The following PHF20 variants were observed in gnomAD, a reference collection of about 807,000 sequenced individuals.
PHF20 encodes PHD finger protein 20.
PHF20 carries 23 observed loss-of-function variants against 113.5 expected under a neutral mutation model. The observed-to-expected ratio is 0.20, with a 90% CI of 0.15 to 0.29. The LOEUF is 0.29. PHF20 is among the 10% of genes least tolerant of loss of function. The pLI is 1.00. For missense variants in PHF20, 943 were observed against 1,219.6 expected (o/e 0.77, Z 3.38); for synonymous variants, 434 against 457.3 (o/e 0.95, Z 0.65).
At chr20:35,907,197 C>A (rs1193639143) in intron 10 of PHF20, among the ~76,000 whole-genome samples, 1 of 152,134 alleles carries the variant, frequency 6.6e-6, no homozygotes, top group Non-Finnish European at 1.5e-5. Context: ...GGTCTGATGA[C>A]AGTTGTCCCT....
chr20:35,868,120 C>A (rs2054350296), intron 6 of PHF20, among the ~76,000 whole-genome samples: 1 of 151,876 alleles, frequency 6.6e-6, no homozygotes, highest in Admixed American at 6.6e-5. Context: ...ATGGAGAAAC[C>A]CTGTCTCTAC....
At chr20:35,811,084 G>GT (rs2146882597) in intron 2 of PHF20, among the ~76,000 whole-genome samples, 1 of 152,002 alleles carries the variant, frequency 6.6e-6, no homozygotes, top group East Asian at 1.9e-4. Context: ...GTCTTGCTCT[G>GT]TCGCCAGGCT....
At chr20:35,816,160 T>G (rs1258930737) in intron 2 of PHF20, among the ~76,000 whole-genome samples, 1 of 152,004 alleles carries the variant, frequency 6.6e-6, no homozygotes, top group East Asian at 2.0e-4. Context: ...TTTTACCACG[T>G]TGGCCAGGAT....
intron 1 of PHF20, chr20:35,800,094 C>T (rs1294835408): frequency 6.6e-6 from 1 of 151,956 alleles, no homozygotes; most frequent in Non-Finnish European, 1.5e-5. Context: ...TTCATTGCAG[C>T]ACGAGTACAC....
At position 35,873,695 on chromosome 20, in the gene PHF20, T is replaced by C. The variant is rs1442529991; in HGVS notation, c.1282+1866T>C. 3.3e-5 allele frequency among the ~76,000 whole-genome samples: 5 copies of C among 151,846 alleles called. 1 individual carries two copies. Among genetic ancestry groups the C allele is most frequent in the Admixed American group, 2.0e-4 (3 of 15,222 alleles). On this transcript the variant is annotated intron_variant, in intron 9 of 17. Transcript: ENST00000374012. ...ATGTTGGCCAGGCTGGTTGTCTGTT[T>C]ATATTATTTGTGTTTTGTTGTTTTG... is the stretch of plus-strand genomic sequence containing the variant.
At chr20:35,861,942 A>G (rs1224621091) in intron 5 of PHF20, among the ~76,000 whole-genome samples, 1 of 152,208 alleles carries the variant, frequency 6.6e-6, no homozygotes, top group Non-Finnish European at 1.5e-5. Flanking sequence ...ATATGAACAT[A>G]GTATGGTGGT....
rs898474923 is a variant in PHF20, at chr20:35,772,031, CCTT to C, written c.-78_-76del. ...TCACGTGGTGCAGAGCACGCAGAGT[CCTT>C]CTGTCGGTTGGTCCTGGAGCGGCGC... On this transcript the variant is annotated 5_prime_UTR_variant, in exon 1 of 18. Coordinates refer to ENST00000374012, the MANE Select transcript of PHF20 (RefSeq NM_016436.5). 8 of 152,264 alleles carry C rather than the reference CCTT, an allele frequency of 5.3e-5. No individual in the cohort carries two copies. Among genetic ancestry groups the C allele is most frequent in the African/African-American group, 1.2e-4 (5 of 41,392 alleles). 9.4% of individuals were successfully genotyped at this position (152,264 alleles called of 1,614,324 possible). A position where few individuals can be genotyped will look rare whatever the true frequency, so the allele number is the denominator to read the frequency against.
chr20:35,822,686 T>C (rs2042190377), intron 2 of PHF20, among the ~76,000 whole-genome samples: 2 of 148,796 alleles, frequency 1.3e-5, no homozygotes, highest in Non-Finnish European at 3.0e-5. Flanking sequence ...ATAAAACAAA[T>C]TAGCTGGGGT....
At chr20:35,892,833 CAG>C (rs998250453) in intron 9 of PHF20, among the ~76,000 whole-genome samples, 2 of 152,326 alleles carry the variant, frequency 1.3e-5, no homozygotes, top group Admixed American at 6.5e-5. Flanking sequence ...GCTTGTATCA[CAG>C]TGAGTTATAC....
intron 10 of PHF20, among the ~76,000 whole-genome samples, chr20:35,905,870 T>G (rs554976064): frequency 2.0e-5 from 3 of 152,368 alleles, no homozygotes; most frequent in Non-Finnish European, 2.9e-5. Context: ...CTCATATGGT[T>G]CTTCTGCTCT....
chr20:35,924,591 CTTTAT>C (rs903405898), intron 13 of PHF20, among the ~76,000 whole-genome samples: 12 of 151,778 alleles, frequency 7.9e-5, no homozygotes, highest in East Asian at 1.9e-4. Flanking sequence ...TTTTATTTTA[CTTTAT>C]TTTATTTTAT....
chr20:35,949,129 C>T lies in PHF20; in HGVS notation c.*1502C>T, dbSNP rs1336751392. Reference sequence around the variant, plus strand: ...AATTATAGGACAAGTATAAGCTGATCTGCTATAGCTGTCCATCAGAGAGAA... The same window carrying T: ...AATTATAGGACAAGTATAAGCTGATTTGCTATAGCTGTCCATCAGAGAGAA... On this transcript the variant is annotated 3_prime_UTR_variant, in exon 18 of 18. Coordinates refer to ENST00000374012, the MANE Select transcript of PHF20 (RefSeq NM_016436.5). 6.6e-6 allele frequency: 1 copy of T among 152,662 alleles called. No homozygotes were observed. Among genetic ancestry groups the T allele is most frequent in the Non-Finnish European group, 1.5e-5 (1 of 68,038 alleles). 9.5% of individuals were successfully genotyped at this position (152,662 alleles called of 1,614,324 possible).
In PHF20 at chr20:35,904,919, G is replaced by A. The variant is rs1187812703; in HGVS notation, c.1561+5271G>A. 5.9e-5 allele frequency among the ~76,000 whole-genome samples: 9 copies of A among 151,702 alleles called. 1 individual carries two copies. In the South Asian group the frequency reaches 6.2e-4, roughly 11 times the overall value. On this transcript the variant is annotated intron_variant, in intron 10 of 17. Transcript: ENST00000374012. ...TGGCTCACCACAACCTCCGCCTCCC[G>A]GATTCAAATGATTCTCCTGCCTCAG...
chr20:35,850,854 A>G (rs2042718530), intron 4 of PHF20: 3 of 1,159,642 alleles, frequency 2.6e-6, no homozygotes, highest in East Asian at 2.7e-5. Flanking sequence ...CTGCCTTGCC[A>G]TTGTTTGCTG....
At chr20:35,834,059 A>AAAATAAAT (rs560040668) in intron 2 of PHF20, among the ~76,000 whole-genome samples, 16 of 148,358 alleles carry the variant, frequency 1.1e-4, no homozygotes, top group South Asian at 4.4e-4. Flanking sequence ...TTCCGTCTCA[A>AAAATAAAT]AAATAAATAA....
chr20:35,896,860 C>T (rs986432214), intron 9 of PHF20, among the ~76,000 whole-genome samples: 9 of 151,104 alleles, frequency 6.0e-5, no homozygotes, highest in South Asian at 2.1e-4. Flanking sequence ...GGTGCCTGAC[C>T]GACTATTGCC....
intron 9 of PHF20, among the ~76,000 whole-genome samples, chr20:35,886,663 A>G (rs2054739863): frequency 6.6e-6 from 1 of 152,190 alleles, no homozygotes; most frequent in Non-Finnish European, 1.5e-5. Context: ...GACAAATAAC[A>G]GGATCCAGGA....
intron 1 of PHF20, among the ~76,000 whole-genome samples, chr20:35,780,052 T>C (rs1327977081): frequency 6.6e-6 from 1 of 152,110 alleles, no homozygotes; most frequent in Non-Finnish European, 1.5e-5. Context: ...AGGGCCTCGA[T>C]TGGAGTCCAG....
chr20:35,915,347 T>A (rs2055384634), intron 12 of PHF20, among the ~76,000 whole-genome samples: 1 of 150,820 alleles, frequency 6.6e-6, no homozygotes, highest in Non-Finnish European at 1.5e-5. Flanking sequence ...ATTTATATTT[T>A]AAAATATATA....
Sources: allele counts gnomAD v4.1 joint callset (sites outside exome capture counted in the v4.1 genomes callset), GRCh38; gene constraint gnomAD v4.1.1; transcripts MANE v1.5; gene names NCBI Gene and HGNC (gene_info 2026-07-23, HGNC 2026-07-21).